Variants in PON1 observed in about 807,000 individuals in gnomAD.
PON1 encodes paraoxonase 1, also known as serum paraoxonase/arylesterase 1.
PON1 carries 37 observed loss-of-function variants against 39.2 expected under a neutral mutation model. The observed-to-expected ratio is 0.94, with a 90% confidence interval of 0.73 to 1.24. The LOEUF (loss-of-function observed/expected upper bound fraction) is 1.24, where lower values mean the gene tolerates loss of function less well. Ranked by LOEUF, PON1 falls within the 50% of genes most tolerant of loss-of-function variation. The probability of loss-of-function intolerance (pLI) is 0.00; values close to 1 mark genes in which losing one functional copy is unlikely to be tolerated. For synonymous variants in PON1, 148 were observed against 152.2 expected (o/e 0.97, Z 0.21); for missense variants, 397 against 413.5 (o/e 0.96, Z 0.35).
chr7:95,303,605 G>A (rs1419970018), intron 7 of PON1, among the ~76,000 whole-genome samples: 2 of 152,138 alleles, frequency 1.3e-5, no homozygotes, highest in Non-Finnish European at 2.9e-5. Context: ...GCTCTGCAAG[G>A]AACGCAACAC....
intron 5 of PON1, among the ~76,000 whole-genome samples, chr7:95,311,038 A>C (rs757408668): frequency 1.3e-5 from 2 of 152,216 alleles, no homozygotes; most frequent in Admixed American, 6.5e-5. Context: ...CACTTGATTC[A>C]GGGTCTCCTC....
intron 5 of PON1, among the ~76,000 whole-genome samples, chr7:95,310,445 G>A (rs1417052078): frequency 2.0e-5 from 3 of 152,078 alleles, no homozygotes; most frequent in East Asian, 1.9e-4. Context: ...ATAAATGCAC[G>A]AATAAACTCT....
intron 1 of PON1, among the ~76,000 whole-genome samples, chr7:95,323,666 C>A (rs754441710): frequency 2.2e-4 from 33 of 152,134 alleles, no homozygotes; most frequent in Admixed American, 2.0e-3. Context: ...TAGCACTTAA[C>A]CCTTTATTAA....
chr7:95,304,138 ATTC>A (rs1486055170), intron 7 of PON1, among the ~76,000 whole-genome samples: 1 of 152,006 alleles, frequency 6.6e-6, no homozygotes, highest in African/African-American at 2.4e-5. Flanking sequence ...ATAGCTCCCT[ATTC>A]TTCTCTCCCC....
chr7:95,317,303 T>C (rs1807789374), intron 2 of PON1, among the ~76,000 whole-genome samples: 1 of 152,170 alleles, frequency 6.6e-6, no homozygotes, highest in African/African-American at 2.4e-5. Context: ...AAACATCGGT[T>C]AAATATTACT....
chr7:95,313,718 T>A (rs1807705972), intron 4 of PON1, among the ~76,000 whole-genome samples: 1 of 151,178 alleles, frequency 6.6e-6, no homozygotes, highest in Admixed American at 6.6e-5. Context: ...CATTTTGAGT[T>A]TAAAGTGTCT....
intron 7 of PON1, 101 bp downstream of exon 7, chr7:95,306,184 C>A: frequency 9.8e-7 from 1 of 1,024,254 alleles, no homozygotes; most frequent in Non-Finnish European, 1.5e-6. Context: ...TTGGTTCTCA[C>A]CCACCCCAAT....
Position 95,312,785 on chromosome 7 carries a change from G to A in PON1, c.371-1208C>T, listed in dbSNP as rs10215036. ...GCAAAGGCCCCGGGGCAGAACTTCC[G>A]GGACATATTCACTTAATAGTGAGGT... On this transcript the variant is annotated intron_variant, in intron 4 of 8. Transcript: ENST00000222381. Among the ~76,000 whole-genome samples, 24 of 139,042 alleles carry A rather than the reference G, an allele frequency of 1.7e-4. 1 individual carries two copies. Among genetic ancestry groups the A allele is most frequent in the African/African-American group, 6.1e-4 (20 of 32,598 alleles). 91.2% of individuals were successfully genotyped at this position (139,042 alleles called of 152,430 possible).
chr7:95,302,652 G>A (rs543998494), intron 7 of PON1, among the ~76,000 whole-genome samples: 6 of 151,936 alleles, frequency 3.9e-5, no homozygotes, highest in East Asian at 1.9e-4. Context: ...AGAAGTTTTC[G>A]GTGCATCATA....
chr7:95,308,201 TATC>T lies in PON1; in HGVS notation c.505_507del (p.Asp169del). 6.2e-7 allele frequency: 1 copy of T among 1,613,582 alleles called. No homozygotes were observed. On this transcript the variant is annotated inframe_deletion, in exon 6 of 9. Coordinates refer to ENST00000222381, the MANE Select transcript of PON1 (RefSeq NM_000446.7). The stretch of plus-strand genomic sequence containing the variant: ...AAGTGCTCAGGTCCCACAGCAACAA[TATC>T]ATTCAAACTGCAATTAAAACATACA...
intron 1 of PON1, among the ~76,000 whole-genome samples, chr7:95,319,131 C>CTTTTTT (rs369225812): frequency 0.015 from 2,074 of 138,318 alleles, 68 homozygotes; most frequent in African/African-American, 0.043. Flanking sequence ...AAACAATAAA[C>CTTTTTT]TTTTTTTTTT....
At chr7:95,300,038 T>C (rs569596326) in intron 8 of PON1, among the ~76,000 whole-genome samples, 7 of 152,368 alleles carry the variant, frequency 4.6e-5, no homozygotes, top group African/African-American at 1.7e-4. Flanking sequence ...TCATGTGTTC[T>C]GAACTTAACC....
chr7:95,303,328 G>C lies in PON1; in HGVS notation c.781-995C>G, dbSNP rs145963766. ...AGAGCCATCAGTCTTTCTTACCCCA[G>C]AGACAGGCAAGACAGGCGGCTCCAT... On this transcript the variant is annotated intron_variant, in intron 7 of 8. Transcript: ENST00000222381. Among the ~76,000 whole-genome samples the C allele has an allele frequency of 1.5e-3, 228 of 148,598 alleles. 1 individual carries two copies. The highest frequency in any genetic ancestry group is 5.5e-3 in the African/African-American group (214 of 39,130).
chr7:95,319,435 A>G (rs1043220704), intron 1 of PON1, among the ~76,000 whole-genome samples: 4 of 152,188 alleles, frequency 2.6e-5, no homozygotes, highest in Admixed American at 6.5e-5. Context: ...TTCGCTGTCT[A>G]AAAAAATCTG....
intron 1 of PON1, among the ~76,000 whole-genome samples, chr7:95,319,561 A>G (rs1440130424): frequency 6.6e-6 from 1 of 152,188 alleles, no homozygotes; most frequent in Non-Finnish European, 1.5e-5. Context: ...TACAGAGATG[A>G]ATGAATAGAT....
intron 4 of PON1, among the ~76,000 whole-genome samples, chr7:95,312,183 C>T (rs1030715903): frequency 2.0e-5 from 3 of 151,550 alleles, no homozygotes; most frequent in Admixed American, 6.6e-5. Context: ...ATCAAATTGG[C>T]GTTTTTGTTT....
intron 6 of PON1, among the ~76,000 whole-genome samples, chr7:95,307,019 ACTTGCTTG>A (rs888258276): frequency 4.1e-5 from 6 of 147,944 alleles, no homozygotes; most frequent in Admixed American, 6.7e-5. Context: ...TGTTGCTCTC[ACTTGCTTG>A]CTTGCTTGCT....
chr7:95,322,670 A>T (rs372383539), intron 1 of PON1, among the ~76,000 whole-genome samples: 1 of 152,212 alleles, frequency 6.6e-6, no homozygotes, highest in African/African-American at 2.4e-5. Context: ...ATGCTGCAAC[A>T]TTCCATAGCC....
At position 95,298,562 on chromosome 7, in the gene PON1, C is replaced by G; in HGVS notation, c.*382G>C. 1 of 346,334 alleles carries G rather than the reference C, an allele frequency of 2.9e-6. No homozygotes were observed. Among genetic ancestry groups the G allele is most frequent in the South Asian group, 2.4e-5 (1 of 41,900 alleles). The allele number at this position is 346,334 out of a possible 1,614,324, so 21.5% of individuals were successfully genotyped here. On this transcript the variant is annotated 3_prime_UTR_variant, in exon 9 of 9. Transcript: ENST00000222381. ...AGACACGTGAGCTAACCCTGCTCCC[C>G]TGTGTCTTCTGAACAAGACATGGCA...
Sources: gnomAD v4.1 joint callset for allele counts (sites outside exome capture counted in the v4.1 genomes callset) on GRCh38, gnomAD v4.1.1 for gene constraint, MANE v1.5 for transcripts, NCBI Gene and HGNC (gene_info 2026-07-23, HGNC 2026-07-21) for gene names.